RBBP4: variants seen among roughly 807,000 people sequenced by gnomAD.
RBBP4 encodes histone-binding protein RBBP4.
In RBBP4, 3 loss-of-function variants were observed where a neutral mutation model predicts 57.2. The ratio of observed to expected loss-of-function variants is 0.05; its 90% confidence interval spans 0.02 to 0.14. The LOEUF (loss-of-function observed/expected upper bound fraction) is 0.14, where lower values mean the gene tolerates loss of function less well. Among genes scored for constraint, RBBP4 ranks in the 10% least tolerant of loss-of-function variants. The probability of loss-of-function intolerance (pLI) is 1.00; values close to 1 mark genes in which losing one functional copy is unlikely to be tolerated. For missense variants in RBBP4, 107 were observed against 520.6 expected, an observed-to-expected ratio of 0.21 and a Z score of 7.73; for synonymous variants, 151 against 171.5, an observed-to-expected ratio of 0.88 and a Z score of 0.93.
At chr1:32,667,816 G>C (rs1362612374) in intron 3 of RBBP4, among the ~76,000 whole-genome samples, 2 of 152,154 alleles carry the variant, frequency 1.3e-5, no homozygotes, top group Non-Finnish European at 2.9e-5. Flanking sequence ...AACCTATGCA[G>C]ATCTTCTCAT....
At chr1:32,677,632 C>T (rs1478467285) in intron 11 of RBBP4, among the ~76,000 whole-genome samples, 1 of 152,022 alleles carries the variant, frequency 6.6e-6, no homozygotes, top group Non-Finnish European at 1.5e-5. Flanking sequence ...TAGCCTGGGA[C>T]CAGGGAATTG....
At chr1:32,678,939 C>A (rs1356910390) in intron 11 of RBBP4, among the ~76,000 whole-genome samples, 1 of 152,038 alleles carries the variant, frequency 6.6e-6, no homozygotes, top group Non-Finnish European at 1.5e-5. Context: ...ATTGGATATA[C>A]CGTGTATCCA....
In RBBP4 at chr1:32,684,206, A is replaced by G. The variant is rs1317499990; in HGVS notation, c.*4501A>G. The G allele has an allele frequency of 6.2e-7, 1 of 1,609,140 alleles. No individual in the cohort carries two copies. The highest frequency in any genetic ancestry group is 2.2e-5 in the East Asian group (1 of 44,790). Reference sequence around the variant, plus strand: ...GGTAAAATTTTCCCTAAGCCCTCCCACCATCCCCTCAGCCAGTATTAGATG... The same window carrying G: ...GGTAAAATTTTCCCTAAGCCCTCCCGCCATCCCCTCAGCCAGTATTAGATG... On this transcript the variant is annotated 3_prime_UTR_variant, in exon 12 of 12. Coordinates refer to ENST00000373493, the MANE Select transcript of RBBP4 (RefSeq NM_005610.3).
Position 32,685,988 on chromosome 1 carries a change from C to G in RBBP4, c.*6283C>G, listed in dbSNP as rs1202966051. On this transcript the variant is annotated 3_prime_UTR_variant, in exon 12 of 12. Coordinates refer to ENST00000373493, the MANE Select transcript of RBBP4 (RefSeq NM_005610.3). ...TCCAACTTGAACCTCTGTTACTCTT[C>G]CGTATGAACATTTTCCTCTAGCCCT... The G allele has an allele frequency of 6.6e-6, 1 of 152,186 alleles. No individual in the cohort carries two copies. Among genetic ancestry groups the G allele is most frequent in the Non-Finnish European group, 1.5e-5 (1 of 68,038 alleles). 9.4% of individuals were successfully genotyped at this position (152,186 alleles called of 1,614,324 possible). A position where few individuals can be genotyped will look rare whatever the true frequency, so the allele number is the denominator to read the frequency against.
intron 3 of RBBP4, among the ~76,000 whole-genome samples, chr1:32,658,181 ATAACTACCCCTAAGGAGG>A (rs2148518129): frequency 6.6e-6 from 1 of 152,240 alleles, no homozygotes; most frequent in Admixed American, 6.5e-5. Context: ...AACACGGGAG[ATAACTACCCCTAAGGAGG>A]TGAAAATTGG....
At chr1:32,675,772 A>G (rs1289727583) in intron 11 of RBBP4, among the ~76,000 whole-genome samples, 1 of 152,110 alleles carries the variant, frequency 6.6e-6, no homozygotes, top group Non-Finnish European at 1.5e-5. Flanking sequence ...CTGTCTCAAA[A>G]AAAATAATAA....
chr1:32,672,576 C>T (rs1324603834), intron 9 of RBBP4, 50 bp downstream of exon 9: 9 of 1,596,342 alleles, frequency 5.6e-6, no homozygotes, highest in Non-Finnish European at 6.9e-6. Context: ...CCTTTATTTA[C>T]ACTTTGCAAA....
chr1:32,681,230 T>TA lies in RBBP4; in HGVS notation c.*1526dup, dbSNP rs1649416774. On this transcript the variant is annotated 3_prime_UTR_variant, in exon 12 of 12. Transcript: ENST00000373493. ...GGAAAATCTGAATAGCGTTAACCATTAGATTCAAATCTCAAATGGTTTCTT... is the reference window on the plus strand; with the variant it reads ...GGAAAATCTGAATAGCGTTAACCATTAAGATTCAAATCTCAAATGGTTTCTT... The TA allele has an allele frequency of 2.6e-5, 4 of 152,616 alleles. No homozygotes were observed. The highest frequency in any genetic ancestry group is 1.9e-4 in the East Asian group (1 of 5,194). 9.5% of individuals were successfully genotyped at this position (152,616 alleles called of 1,614,324 possible).
At chr1:32,676,390 A>C (rs1178640462) in intron 11 of RBBP4, among the ~76,000 whole-genome samples, 1 of 152,124 alleles carries the variant, frequency 6.6e-6, no homozygotes, top group Non-Finnish European at 1.5e-5. Context: ...AGATCACCTG[A>C]GGTCAGTAGT....
At position 32,651,254 on chromosome 1, in the gene RBBP4, C is replaced by T. The variant is rs1647566410; in HGVS notation, c.-53C>T. The T allele has an allele frequency of 2.7e-6, 4 of 1,506,276 alleles. No homozygotes were observed. In the South Asian group the frequency reaches 3.7e-5, roughly 14 times the overall value. The allele number at this position is 1,506,276 out of a possible 1,614,324, so 93.3% of individuals were successfully genotyped here. A position where few individuals can be genotyped will look rare whatever the true frequency, so the allele number is the denominator to read the frequency against. ...CACAGAGCGAGCTCTTGCAGCCTCC[C>T]CGCCCCTCCCGCAACGCTCGACCCC... On this transcript the variant is annotated 5_prime_UTR_variant, in exon 1 of 12. Coordinates refer to ENST00000373493, the MANE Select transcript of RBBP4 (RefSeq NM_005610.3).
rs1649337476 is a variant in RBBP4 at position 32,680,212 on chromosome 1, C to A, written c.*507C>A. On this transcript the variant is annotated 3_prime_UTR_variant, in exon 12 of 12. Coordinates refer to ENST00000373493, the MANE Select transcript of RBBP4 (RefSeq NM_005610.3). ...CACATTTTCATACGTAGACCAGTTT[C>A]CTCTTGGTTTCTTCAGTTAAGTCAA... The A allele has an allele frequency of 1.7e-5, 19 of 1,126,902 alleles. No individual in the cohort carries two copies. In the Admixed American group the frequency reaches 1.9e-4, roughly 11 times the overall value. The allele number at this position is 1,126,902 out of a possible 1,614,324, so 69.8% of individuals were successfully genotyped here.
intron 8 of RBBP4, 81 bp from the exon 9 acceptor site, chr1:32,672,369 T>C: frequency 8.8e-7 from 1 of 1,138,904 alleles, no homozygotes. Context: ...ACAAAATTTT[T>C]AAATTGTTAA....
intron 3 of RBBP4, 58 bp from the exon 4 acceptor site, chr1:32,668,167 T>C (rs1648735792): frequency 1.3e-6 from 2 of 1,491,324 alleles, no homozygotes; most frequent in Admixed American, 4.1e-5. Flanking sequence ...TCTTATACTC[T>C]GGGTAACCTC....
At position 32,684,954 on chromosome 1, in the gene RBBP4, A is replaced by G. The variant is rs189994202; in HGVS notation, c.*5249A>G. ...ATTTCTACCTGGTACTTAACATCAT[A>G]TGGAAATTGATGCTTTAGTGAGGGT... is the stretch of plus-strand genomic sequence containing the variant. On this transcript the variant is annotated 3_prime_UTR_variant, in exon 12 of 12. Transcript: ENST00000373493. The G allele has an allele frequency of 6.6e-6, 1 of 152,640 alleles. No homozygotes were observed. The highest frequency in any genetic ancestry group is 1.9e-4 in the East Asian group (1 of 5,184). 9.5% of individuals were successfully genotyped at this position (152,640 alleles called of 1,614,324 possible).
In RBBP4 at chr1:32,680,057, C is replaced by G; in HGVS notation, c.*352C>G. 9.3e-7 allele frequency: 1 copy of G among 1,079,762 alleles called. No homozygotes were observed. The highest frequency in any genetic ancestry group is 3.5e-5 in the South Asian group (1 of 28,878). The allele number at this position is 1,079,762 out of a possible 1,614,324, so 66.9% of individuals were successfully genotyped here. A position where few individuals can be genotyped will look rare whatever the true frequency, so the allele number is the denominator to read the frequency against. On this transcript the variant is annotated 3_prime_UTR_variant, in exon 12 of 12. Coordinates refer to ENST00000373493, the MANE Select transcript of RBBP4 (RefSeq NM_005610.3). ...AGGCTAGAGTGAGTAAGGAATAGAG[C>G]CAAATGAGGTAGGTGTCTGAGCCAT...
At chr1:32,662,099 T>A (rs1331777562) in intron 3 of RBBP4, 1 of 192,410 alleles carries the variant, frequency 5.2e-6, no homozygotes, top group Non-Finnish European at 1.1e-5. Flanking sequence ...TTGGCCAGGA[T>A]GATCTCCATC....
chr1:32,653,937 C>T (rs1371517772), intron 2 of RBBP4, among the ~76,000 whole-genome samples: 4 of 151,992 alleles, frequency 2.6e-5, no homozygotes, highest in African/African-American at 7.2e-5. Context: ...GGATTACAGG[C>T]GTGAGCCACC....
At chr1:32,653,817 C>G (rs1360765711) in intron 2 of RBBP4, among the ~76,000 whole-genome samples, 1 of 151,710 alleles carries the variant, frequency 6.6e-6, no homozygotes, top group Non-Finnish European at 1.5e-5. Flanking sequence ...GGCCACTACC[C>G]CTGGCTAATT....
intron 3 of RBBP4, among the ~76,000 whole-genome samples, chr1:32,662,592 TCTCGAA>T (rs1290244387): frequency 1.3e-5 from 2 of 151,234 alleles, no homozygotes; most frequent in Admixed American, 6.6e-5. Flanking sequence ...GCCAGGTTGG[TCTCGAA>T]CTCCTGACCT....
Sources: allele counts gnomAD v4.1 joint callset (sites outside exome capture counted in the v4.1 genomes callset), GRCh38; gene constraint gnomAD v4.1.1; transcripts MANE v1.5; gene names NCBI Gene and HGNC (gene_info 2026-07-23, HGNC 2026-07-21).